Variants in TASP1 observed in about 807,000 individuals in gnomAD.
The protein encoded by TASP1 is taspase 1.
Under a neutral mutation model 56.6 loss-of-function variants are expected in TASP1, and 16 were observed. The ratio of observed to expected loss-of-function variants is 0.28; its 90% CI spans 0.19 to 0.43. The LOEUF (loss-of-function observed/expected upper bound fraction) is 0.43, where lower values mean the gene tolerates loss of function less well. TASP1 is among the 20% of genes least tolerant of loss of function. TASP1 has a pLI of 1.00. For synonymous variants in TASP1, 179 were observed against 184.2 expected (o/e 0.97, Z 0.23); for missense variants, 393 against 511.6 (o/e 0.77, Z 2.24).
chr20:13,219,829 G>C, the TASP1 span, among the ~76,000 whole-genome samples: 1 of 152,158 alleles, frequency 6.6e-6, no homozygotes, highest in Non-Finnish European at 1.5e-5. Context: ...CCTTCGCAAA[G>C]GCGCAAGGGT....
the TASP1 span, among the ~76,000 whole-genome samples, chr20:13,202,399 C>T: frequency 1.3e-5 from 2 of 152,114 alleles, no homozygotes; most frequent in Non-Finnish European, 2.9e-5. Flanking sequence ...ATTACTTTTG[C>T]TTGTAATATC....
At chr20:13,261,410 A>T in the TASP1 span, among the ~76,000 whole-genome samples, 1 of 150,792 alleles carries the variant, frequency 6.6e-6, no homozygotes, top group African/African-American at 2.4e-5. Flanking sequence ...AAGAGGGAAG[A>T]GTGAAACTCT....
chr20:13,147,075 T>C, the TASP1 span, among the ~76,000 whole-genome samples: 383 of 152,258 alleles, frequency 2.5e-3, no homozygotes, highest in African/African-American at 8.6e-3. Context: ...GGCAGGGTGT[T>C]TTCCCAGAGC....
chr20:13,146,800 C>T, the TASP1 span, among the ~76,000 whole-genome samples: 1,075 of 152,258 alleles, frequency 7.1e-3, 13 homozygotes, highest in African/African-American at 0.025. Context: ...TGTATAACTC[C>T]GTGAATGATG....
intron 11 of TASP1, among the ~76,000 whole-genome samples, chr20:13,438,820 A>C (rs947600689): frequency 2.4e-4 from 37 of 152,302 alleles, no homozygotes; most frequent in African/African-American, 8.7e-4. Context: ...AAAAAAACAA[A>C]CAACCCCATC....
chr20:13,158,703 G>A, the TASP1 span, among the ~76,000 whole-genome samples: 1 of 152,148 alleles, frequency 6.6e-6, no homozygotes, highest in Admixed American at 6.5e-5. Flanking sequence ...AAATCAAAGG[G>A]CTAATGTTGC....
At chr20:13,181,060 C>T in the TASP1 span, among the ~76,000 whole-genome samples, 1 of 152,296 alleles carries the variant, frequency 6.6e-6, no homozygotes, top group Admixed American at 6.5e-5. Context: ...CTGACAGCTC[C>T]CTATCCCAAG....
chr20:13,233,286 G>A, the TASP1 span, among the ~76,000 whole-genome samples: 5 of 152,090 alleles, frequency 3.3e-5, no homozygotes, highest in Non-Finnish European at 7.4e-5. Context: ...TCAGGGAGTA[G>A]GAAGAGCAAA....
the TASP1 span, among the ~76,000 whole-genome samples, chr20:13,295,746 A>G: frequency 6.6e-6 from 1 of 152,208 alleles, no homozygotes; most frequent in Non-Finnish European, 1.5e-5. Context: ...GCTGACTGGG[A>G]ATCCCAGCAA....
chr20:13,541,505 C>A (rs2045621138), intron 8 of TASP1, among the ~76,000 whole-genome samples: 1 of 152,134 alleles, frequency 6.6e-6, no homozygotes, highest in Non-Finnish European at 1.5e-5. Flanking sequence ...ACCATCCACA[C>A]ACAAGCACAC....
At chr20:13,578,061 T>C (rs980780084) in intron 6 of TASP1, among the ~76,000 whole-genome samples, 7 of 152,200 alleles carry the variant, frequency 4.6e-5, no homozygotes. Flanking sequence ...CAATTTGTAC[T>C]TAATAAATAA....
At chr20:13,337,162 C>T in the TASP1 span, among the ~76,000 whole-genome samples, 13,041 of 152,070 alleles carry the variant, frequency 0.086, 1,198 homozygotes, top group African/African-American at 0.23. Context: ...CTTCCAGGAA[C>T]GAGGAGGATT....
chr20:13,520,240 A>G (rs1309856135), intron 10 of TASP1, among the ~76,000 whole-genome samples: 1 of 152,166 alleles, frequency 6.6e-6, no homozygotes, highest in African/African-American at 2.4e-5. Flanking sequence ...TCAAGCTACC[A>G]ATGACTTTCT....
At chr20:13,142,556 T>A in the TASP1 span, among the ~76,000 whole-genome samples, 6 of 152,222 alleles carry the variant, frequency 3.9e-5, no homozygotes, top group East Asian at 1.2e-3. Context: ...GCTAGAGAGA[T>A]TGTATTTGCT....
chr20:13,144,084 T>C, the TASP1 span, among the ~76,000 whole-genome samples: 1 of 152,196 alleles, frequency 6.6e-6, no homozygotes, highest in Non-Finnish European at 1.5e-5. Context: ...CATTTTTAGC[T>C]TATGATGATC....
At chr20:13,417,321 G>T in intron 13 of TASP1, 127 bp downstream of exon 13, 1 of 791,734 alleles carries the variant, frequency 1.3e-6, no homozygotes, top group Non-Finnish European at 2.1e-6. Context: ...TTATTCGGAT[G>T]CTTATGAAGA....
chr20:13,408,505 T>C (rs1255267711), intron 13 of TASP1, among the ~76,000 whole-genome samples: 1 of 152,146 alleles, frequency 6.6e-6, no homozygotes, highest in Non-Finnish European at 1.5e-5. Context: ...AGGTTACCCT[T>C]GTCTCATAAA....
the TASP1 span, among the ~76,000 whole-genome samples, chr20:13,198,448 A>C: frequency 6.6e-6 from 1 of 152,108 alleles, no homozygotes; most frequent in African/African-American, 2.4e-5. Context: ...CTCCATCTTC[A>C]TGACCTAATT....
chr20:13,273,651 C>T, the TASP1 span, among the ~76,000 whole-genome samples: 1 of 152,164 alleles, frequency 6.6e-6, no homozygotes, highest in African/African-American at 2.4e-5. Context: ...CAAAGATCAC[C>T]GTAACTCCCA....
Sources: allele counts gnomAD v4.1 joint callset (sites outside exome capture counted in the v4.1 genomes callset), GRCh38; gene constraint gnomAD v4.1.1; transcripts MANE v1.5; gene names NCBI Gene and HGNC (gene_info 2026-07-23, HGNC 2026-07-21).